Variants in FAM228B observed in about 807,000 individuals in gnomAD.
The protein encoded by FAM228B is family with sequence similarity 228 member B, also known as protein FAM228B.
Under a neutral mutation model 42.6 loss-of-function variants are expected in FAM228B, and 38 were observed. The ratio of observed to expected loss-of-function variants is 0.89; its 90% CI spans 0.69 to 1.17. The LOEUF (loss-of-function observed/expected upper bound fraction) is 1.17, where lower values mean the gene tolerates loss of function less well. FAM228B is among the 50% of genes most tolerant of loss of function. The pLI, the probability that FAM228B is intolerant of heterozygous loss-of-function variation, is 0.00. For synonymous variants in FAM228B, 109 were observed against 122.3 expected (o/e 0.89, Z 0.72); for missense variants, 344 against 367.3 (o/e 0.94, Z 0.52).
At chr2:24,167,560 T>C in intron 9 of FAM228B, 67 bp from the exon 10 acceptor site, 2 of 1,545,192 alleles carry the variant, frequency 1.3e-6, no homozygotes, top group Admixed American at 2.0e-5. Context: ...ATGAAGACAG[T>C]CTGTTCAGTA....
chr2:24,164,055 C>CAA (rs35664527), intron 8 of FAM228B, 143 bp from the exon 9 acceptor site: 46 of 731,830 alleles, frequency 6.3e-5, no homozygotes, highest in East Asian at 2.2e-4. Flanking sequence ...TATTTTCACA[C>CAA]AAAAAAAGTA....
At chr2:24,159,263 A>G (rs894962537) in intron 7 of FAM228B, among the ~76,000 whole-genome samples, 1 of 152,262 alleles carries the variant, frequency 6.6e-6, no homozygotes, top group East Asian at 1.9e-4. Flanking sequence ...AATTCATCCT[A>G]TAACATTACA....
chr2:24,125,510 A>G (rs1399167344), intron 2 of FAM228B, among the ~76,000 whole-genome samples: 3 of 151,846 alleles, frequency 2.0e-5, no homozygotes, highest in Non-Finnish European at 4.4e-5. Context: ...CCTCCCTCAC[A>G]TCCCCCCACC....
intron 2 of FAM228B, among the ~76,000 whole-genome samples, chr2:24,128,210 G>A (rs4665660): frequency 0.021 from 3,126 of 152,192 alleles, 311 homozygotes; most frequent in Admixed American, 0.17. Flanking sequence ...TGTGTCCCTA[G>A]AAGTTTTATC....
rs570974240 is a variant in FAM228B at position 24,163,167 on chromosome 2, C to A, written c.795-1031C>A. Among the ~76,000 whole-genome samples, 5 of 152,348 alleles carry A rather than the reference C, an allele frequency of 3.3e-5. 1 individual carries two copies. The South Asian group carries it at 1.0e-3, about 32-fold the overall frequency. ...TATGACTTTCTAGGAGATCGGCTTACAATTCTCTGTTCCTAAAAAGTGCCC... is the reference window on the plus strand; with the variant it reads ...TATGACTTTCTAGGAGATCGGCTTAAAATTCTCTGTTCCTAAAAAGTGCCC... On this transcript the variant is annotated intron_variant, in intron 8 of 10. Coordinates refer to ENST00000615575, the MANE Select transcript of FAM228B (RefSeq NM_001145710.2).
At chr2:24,101,783 C>T (rs969506489) in intron 3 of FAM228B, among the ~76,000 whole-genome samples, 1 of 152,146 alleles carries the variant, frequency 6.6e-6, no homozygotes, top group African/African-American at 2.4e-5. Context: ...CCCAGATTCA[C>T]GCCATTCTTC....
chr2:24,138,883 T>C (rs1666670567), intron 4 of FAM228B, among the ~76,000 whole-genome samples: 1 of 150,774 alleles, frequency 6.6e-6, no homozygotes, highest in African/African-American at 2.4e-5. Context: ...GAGGTGCAGA[T>C]TGTAGTGAGC....
At chr2:24,161,446 T>G (rs993470784) in intron 7 of FAM228B, 60 bp from the exon 8 acceptor site, 1 of 1,035,022 alleles carries the variant, frequency 9.7e-7, no homozygotes, top group Non-Finnish European at 1.4e-6. Flanking sequence ...AGATCTTGTC[T>G]CAAAAAACAA....
intron 7 of FAM228B, among the ~76,000 whole-genome samples, chr2:24,154,335 CAT>C (rs1667085665): frequency 6.6e-6 from 1 of 152,304 alleles, no homozygotes; most frequent in Admixed American, 6.5e-5. Context: ...ACTATTTTCA[CAT>C]GTTTTTTTGC....
At chr2:24,093,356 G>C (rs983828343) in intron 2 of FAM228B, among the ~76,000 whole-genome samples, 1 of 150,494 alleles carries the variant, frequency 6.6e-6, no homozygotes, top group Admixed American at 6.6e-5. Context: ...GTGTGTCCAC[G>C]TGTTCTCATT....
chr2:24,124,743 G>A lies in FAM228B; in HGVS notation c.99+283G>A, dbSNP rs1666262525. Among the ~76,000 whole-genome samples, 3 of 152,104 alleles carry A rather than the reference G, an allele frequency of 2.0e-5. No individual in the cohort carries two copies. The South Asian group carries it at 6.2e-4, about 32-fold the overall frequency. On this transcript the variant is annotated intron_variant, in intron 2 of 10. Coordinates refer to ENST00000615575, the MANE Select transcript of FAM228B (RefSeq NM_001145710.2). ...TGCATCACCCAAATTTTGATATGAT[G>A]TATTTATTTATTTATTTATATTTGA... is the stretch of plus-strand genomic sequence containing the variant.
Position 24,129,306 on chromosome 2 carries a change from C to CT in FAM228B, c.99+4862dup, listed in dbSNP as rs57641483. Among the ~76,000 whole-genome samples, 809 of 139,424 alleles carry CT rather than the reference C, an allele frequency of 5.8e-3. 12 individuals are homozygous for CT. Among genetic ancestry groups the CT allele is most frequent in the South Asian group, 0.045 (203 of 4,472 alleles). The allele number at this position is 139,424 out of a possible 152,430, so 91.5% of individuals were successfully genotyped here. A position where few individuals can be genotyped will look rare whatever the true frequency, so the allele number is the denominator to read the frequency against. ...GAAACTGTTGTTTCATCTATTTTAT[C>CT]TTTTTTTTTTTTTTTTAGTTGTTTC... On this transcript the variant is annotated intron_variant, in intron 2 of 10. Coordinates refer to ENST00000615575, the MANE Select transcript of FAM228B (RefSeq NM_001145710.2).
intron 3 of FAM228B, among the ~76,000 whole-genome samples, chr2:24,106,979 G>A (rs1665712807): frequency 6.6e-6 from 1 of 152,116 alleles, no homozygotes; most frequent in Non-Finnish European, 1.5e-5. Flanking sequence ...AAGGCACAGA[G>A]TGGCAAGCTG....
intron 3 of FAM228B, among the ~76,000 whole-genome samples, chr2:24,106,745 T>C (rs544196966): frequency 1.6e-4 from 24 of 152,182 alleles, no homozygotes; most frequent in Admixed American, 5.9e-4. Flanking sequence ...TTTTTTTTTT[T>C]CCACCAGATC....
At chr2:24,101,456 T>C (rs1029567395) in intron 3 of FAM228B, among the ~76,000 whole-genome samples, 3 of 152,136 alleles carry the variant, frequency 2.0e-5, no homozygotes, top group Non-Finnish European at 4.4e-5. Context: ...GTGTTAAATT[T>C]CTTTTGGATT....
At chr2:24,136,371 G>A (rs1327582903) in intron 3 of FAM228B, among the ~76,000 whole-genome samples, 4 of 152,082 alleles carry the variant, frequency 2.6e-5, no homozygotes, top group Non-Finnish European at 4.4e-5. Context: ...TTATAGGCAC[G>A]TGCCAGCATG....
chr2:24,138,767 T>A (rs565377908), intron 4 of FAM228B, among the ~76,000 whole-genome samples: 189 of 151,652 alleles, frequency 1.2e-3, no homozygotes, highest in African/African-American at 4.4e-3. Flanking sequence ...ACCAGCCTGG[T>A]GATACCCCGT....
intron 3 of FAM228B, among the ~76,000 whole-genome samples, chr2:24,108,900 CAA>C (rs138273554): frequency 1.0e-4 from 8 of 79,830 alleles, no homozygotes; most frequent in African/African-American, 1.0e-4. Flanking sequence ...GAGTCCGTCT[CAA>C]AAAAAAAAAA....
intron 2 of FAM228B, among the ~76,000 whole-genome samples, chr2:24,082,057 T>C (rs1415136417): frequency 6.6e-6 from 1 of 152,138 alleles, no homozygotes; most frequent in Non-Finnish European, 1.5e-5. Context: ...TGCAGTGGCA[T>C]GATCATGGCT....
Sources: allele counts gnomAD v4.1 joint callset (sites outside exome capture counted in the v4.1 genomes callset), GRCh38; gene constraint gnomAD v4.1.1; transcripts MANE v1.5; gene names NCBI Gene and HGNC (gene_info 2026-07-23, HGNC 2026-07-21).